CRYBG1: variants seen among roughly 807,000 people sequenced by gnomAD.
CRYBG1 encodes beta/gamma crystallin domain-containing protein 1.
A neutral mutation model predicts 189.2 loss-of-function variants in CRYBG1; 139 were observed. That is an observed-to-expected ratio of 0.73 (90% CI 0.64 to 0.85). The LOEUF is 0.85. CRYBG1 is among the 40% of genes least tolerant of loss of function. CRYBG1 has a pLI of 0.00. For missense variants in CRYBG1, 2,611 were observed against 2,675.8 expected (o/e 0.98, Z 0.53); for synonymous variants, 1,023 against 1,017.1 (o/e 1.01, Z -0.11).
intron 1 of CRYBG1, among the ~76,000 whole-genome samples, chr6:106,424,965 A>G (rs556920148): frequency 1.4e-4 from 22 of 151,774 alleles, no homozygotes; most frequent in African/African-American, 4.6e-4. Context: ...AATCCCGCAG[A>G]CTCTCTGAGG....
At position 106,499,135 on chromosome 6, in the gene CRYBG1, T is replaced by C. The variant is rs1449681823; in HGVS notation, c.313-12295T>C. ...TTTTGTTTGTGTGTTTTTTGTTTTT[T>C]GTTTGTTTGTTTGTTTGTTTGTTTT... On this transcript the variant is annotated intron_variant, in intron 2 of 21. Transcript: ENST00000633556. 5.7e-4 allele frequency among the ~76,000 whole-genome samples: 28 copies of C among 49,096 alleles called. 1 individual carries two copies. The highest frequency in any genetic ancestry group is 5.3e-3 in the African/African-American group (21 of 3,930). 32.2% of individuals were successfully genotyped at this position (49,096 alleles called of 152,430 possible). A position where few individuals can be genotyped will look rare whatever the true frequency, so the allele number is the denominator to read the frequency against.
chr6:106,468,426 C>A (rs972362878), intron 2 of CRYBG1, among the ~76,000 whole-genome samples: 6 of 152,180 alleles, frequency 3.9e-5, no homozygotes, highest in Admixed American at 3.9e-4. Flanking sequence ...TCCAAAGGCC[C>A]AGGATGAATT....
intron 2 of CRYBG1, among the ~76,000 whole-genome samples, chr6:106,500,395 C>T (rs1031374287): frequency 6.6e-6 from 1 of 150,722 alleles, no homozygotes; most frequent in Non-Finnish European, 1.5e-5. Flanking sequence ...ATTTTCATTT[C>T]CCTGATGAAC....
At chr6:106,505,867 T>C (rs906595900) in intron 2 of CRYBG1, among the ~76,000 whole-genome samples, 1 of 152,174 alleles carries the variant, frequency 6.6e-6, no homozygotes, top group South Asian at 2.1e-4. Flanking sequence ...TGTGGCTGAA[T>C]TGAAAAGCTA....
In CRYBG1 at chr6:106,500,421, T is replaced by TA. The variant is rs775702645; in HGVS notation, c.313-10998dup. On this transcript the variant is annotated intron_variant, in intron 2 of 21. Transcript: ENST00000633556. The stretch of plus-strand genomic sequence containing the variant: ...CCTGATGAACAGTGATGTTGAGCAC[T>TA]AAAAAAAAAAACAAAAAAAAAAACC... Among the ~76,000 whole-genome samples the TA allele has an allele frequency of 5.2e-3, 496 of 95,906 alleles. 2 individuals carry two copies. Among genetic ancestry groups the TA allele is most frequent in the African/African-American group, 0.024 (353 of 14,872 alleles). The allele number at this position is 95,906 out of a possible 152,430, so 62.9% of individuals were successfully genotyped here. A position where few individuals can be genotyped will look rare whatever the true frequency, so the allele number is the denominator to read the frequency against.
In CRYBG1 at chr6:106,512,644, T is replaced by A; in HGVS notation, c.1527T>A (p.Ala509=). The change falls in exon 3 of 22, where the codon GCT becomes GCA. Residue 509 remains alanine, a synonymous_variant. Transcript: ENST00000633556. ...ESDRSKQPPP[A]SSPTKRKGRS... ...ACCGGAGCAAACAGCCACCCCCGGC[T>A]TCGTCCCCCACGAAGAGGAAGGGCA... 6.3e-7 allele frequency: 1 copy of A among 1,587,970 alleles called. No individual in the cohort carries two copies. Among genetic ancestry groups the A allele is most frequent in the Non-Finnish European group, 8.6e-7 (1 of 1,168,116 alleles).
chr6:106,541,687 T>G (rs1774134897), intron 10 of CRYBG1, 66 bp downstream of exon 10: 5 of 1,082,276 alleles, frequency 4.6e-6, no homozygotes, highest in Non-Finnish European at 6.8e-6. Context: ...CACATATATA[T>G]GTACTTAATG....
At chr6:106,431,677 G>A (rs1437432313) in intron 1 of CRYBG1, among the ~76,000 whole-genome samples, 1 of 152,138 alleles carries the variant, frequency 6.6e-6, no homozygotes, top group Non-Finnish European at 1.5e-5. Flanking sequence ...ACACAGAAAT[G>A]GCCACACTGT....
Position 106,543,420 on chromosome 6 carries a change from A to G in CRYBG1, c.4882-20A>G, listed in dbSNP as rs1401753776. The stretch of plus-strand genomic sequence containing the variant: ...GGGATACTTCTTACAGATTACTGGT[A>G]TATCTCATTTCTATTGTAGGTAGTT... On this transcript the variant is annotated intron_variant, in intron 10 of 21. Transcript: ENST00000633556. 2 of 1,592,552 alleles carry G rather than the reference A, an allele frequency of 1.3e-6. No individual in the cohort carries two copies. Among genetic ancestry groups the G allele is most frequent in the Admixed American group, 3.4e-5 (2 of 59,622 alleles).
intron 2 of CRYBG1, among the ~76,000 whole-genome samples, chr6:106,454,574 T>C (rs1463720209): frequency 6.6e-6 from 1 of 152,238 alleles, no homozygotes; most frequent in African/African-American, 2.4e-5. Flanking sequence ...GAGGGAGTTA[T>C]ATCAAGGACC....
intron 8 of CRYBG1, among the ~76,000 whole-genome samples, chr6:106,531,952 A>C (rs1381562358): frequency 1.3e-5 from 2 of 152,216 alleles, no homozygotes; most frequent in Non-Finnish European, 2.9e-5. Flanking sequence ...AGAGAACAAT[A>C]TTAATTTAAA....
chr6:106,561,918 C>T (rs1774730260), intron 20 of CRYBG1, among the ~76,000 whole-genome samples: 1 of 152,158 alleles, frequency 6.6e-6, no homozygotes, highest in Non-Finnish European at 1.5e-5. Flanking sequence ...GCTGCACAGT[C>T]CATTTCCTAA....
At chr6:106,393,374 C>T (rs530798538) in intron 1 of CRYBG1, among the ~76,000 whole-genome samples, 2 of 151,950 alleles carry the variant, frequency 1.3e-5, no homozygotes, top group African/African-American at 4.8e-5. Flanking sequence ...GCCTCACCAT[C>T]GTTAAAGGGT....
chr6:106,515,113 T>C (rs982284315), intron 3 of CRYBG1, among the ~76,000 whole-genome samples: 10 of 152,254 alleles, frequency 6.6e-5, no homozygotes. Flanking sequence ...CTTTATGCTG[T>C]TAGAAAAATT....
chr6:106,549,853 G>A lies in CRYBG1; in HGVS notation c.5313-1999G>A, dbSNP rs1440135365. On this transcript the variant is annotated intron_variant, in intron 13 of 21. Coordinates refer to ENST00000633556, the MANE Select transcript of CRYBG1 (RefSeq NM_001371242.2). ...TGTACTTGAGTTTTTGTTTAAATCA[G>A]CCCTTTGGATAGTAAAATCATAATC... Among the ~76,000 whole-genome samples the A allele has an allele frequency of 2.6e-5, 4 of 152,052 alleles. No homozygotes were observed. The East Asian group carries it at 7.7e-4, about 29-fold the overall frequency.
At chr6:106,502,647 G>T (rs764963009) in intron 2 of CRYBG1, among the ~76,000 whole-genome samples, 9 of 152,198 alleles carry the variant, frequency 5.9e-5, no homozygotes, top group Non-Finnish European at 8.8e-5. Flanking sequence ...ACTATTCAAA[G>T]TACAGGTAGA....
At position 106,525,318 on chromosome 6, in the gene CRYBG1, C is replaced by A; in HGVS notation, c.4344C>A (p.Phe1448Leu). Reference sequence around the variant, plus strand: ...TCTCTGAGAAGTGCATTGAAGTTTTCAGTGACATTCAGGATTGCAGTTCTT... The same window carrying A: ...TCTCTGAGAAGTGCATTGAAGTTTTAAGTGACATTCAGGATTGCAGTTCTT... ...PDVSEKCIEVFSDIQDCSSWS... is the reference protein window; with the variant it reads ...PDVSEKCIEVLSDIQDCSSWS... Residue 1448 changes from phenylalanine to leucine, a missense_variant, in exon 6 of 22, where the codon TTC becomes TTA. By Grantham distance (22) the Phe-to-Leu change is conservative (BLOSUM62 0). Coordinates refer to ENST00000633556, the MANE Select transcript of CRYBG1 (RefSeq NM_001371242.2). 2.5e-6 allele frequency: 4 copies of A among 1,614,146 alleles called. No individual in the cohort carries two copies. Among genetic ancestry groups the A allele is most frequent in the Non-Finnish European group, 3.4e-6 (4 of 1,180,012 alleles).
intron 2 of CRYBG1, among the ~76,000 whole-genome samples, chr6:106,489,943 G>A (rs7751654): frequency 0.26 from 40,167 of 151,982 alleles, 6,645 homozygotes; most frequent in African/African-American, 0.47. Flanking sequence ...ATTAATATCT[G>A]GAGAAACAGA....
At chr6:106,567,895 C>G (rs1187930844) in intron 21 of CRYBG1, among the ~76,000 whole-genome samples, 2 of 106,800 alleles carry the variant, frequency 1.9e-5, no homozygotes, top group African/African-American at 9.7e-5. Flanking sequence ...TATCCACCAA[C>G]TGAGTCCCCA....
Sources: gnomAD v4.1 joint callset for allele counts (sites outside exome capture counted in the v4.1 genomes callset) on GRCh38, gnomAD v4.1.1 for gene constraint, MANE v1.5 for transcripts, NCBI Gene and HGNC (gene_info 2026-07-23, HGNC 2026-07-21) for gene names.